Variants in PABPC4L observed in about 807,000 individuals in gnomAD.
PABPC4L encodes polyadenylate-binding protein 4-like.
For missense variants in PABPC4L, 452 were observed against 451.4 expected (o/e 1.00, Z -0.01); for synonymous variants, 169 against 164.1 (o/e 1.03, Z -0.23).
At chr4:133,981,256 G>T in the PABPC4L span, among the ~76,000 whole-genome samples, 2 of 152,042 alleles carry the variant, frequency 1.3e-5, no homozygotes, top group African/African-American at 4.8e-5. Context: ...ATACTTTTAG[G>T]CAACCCTCAA....
chr4:134,145,281 G>T, the PABPC4L span, among the ~76,000 whole-genome samples: 3 of 151,340 alleles, frequency 2.0e-5, no homozygotes, highest in Non-Finnish European at 3.0e-5. Context: ...TAGAAAGAAA[G>T]GAAACCAAAT....
chr4:133,990,364 A>T, the PABPC4L span, among the ~76,000 whole-genome samples: 87 of 152,156 alleles, frequency 5.7e-4, 1 homozygote, highest in Middle Eastern at 6.8e-3. Flanking sequence ...TTCTATTATA[A>T]TTGTTTTGAG....
downstream of PABPC4L, among the ~76,000 whole-genome samples, chr4:134,192,821 C>A (rs74603492): frequency 0.013 from 1,936 of 152,124 alleles, 43 homozygotes; most frequent in African/African-American, 0.041. Context: ...CAAGATTAAT[C>A]TTTAGAATCT....
At chr4:134,039,954 C>A in the PABPC4L span, among the ~76,000 whole-genome samples, 1 of 152,096 alleles carries the variant, frequency 6.6e-6, no homozygotes, top group South Asian at 2.1e-4. Context: ...CATGAGTGAG[C>A]TCCCTTTCAC....
At chr4:133,998,462 G>T in the PABPC4L span, among the ~76,000 whole-genome samples, 1 of 151,650 alleles carries the variant, frequency 6.6e-6, no homozygotes, top group East Asian at 1.9e-4. Context: ...ATATACTATT[G>T]CAAAAATAAA....
At chr4:134,073,016 A>G in the PABPC4L span, among the ~76,000 whole-genome samples, 324 of 152,202 alleles carry the variant, frequency 2.1e-3, 1 homozygote, top group Non-Finnish European at 3.5e-3. Context: ...CAGCCAAACC[A>G]TATCATTCCA....
the PABPC4L span, among the ~76,000 whole-genome samples, chr4:134,137,318 T>A: frequency 6.6e-6 from 1 of 151,944 alleles, no homozygotes; most frequent in Non-Finnish European, 1.5e-5. Flanking sequence ...CTCAATTCTA[T>A]ATTACCAAGG....
the PABPC4L span, among the ~76,000 whole-genome samples, chr4:134,063,011 C>G: frequency 0.46 from 70,254 of 151,808 alleles, 16,990 homozygotes; most frequent in East Asian, 0.93. Context: ...TTCAACCAGT[C>G]TTCTCTCATT....
the PABPC4L span, among the ~76,000 whole-genome samples, chr4:133,991,490 G>T: frequency 2.0e-5 from 3 of 152,172 alleles, no homozygotes; most frequent in Non-Finnish European, 4.4e-5. Context: ...AGGCTTGAGG[G>T]CTTGCAGGCA....
chr4:133,999,524 G>T, the PABPC4L span, among the ~76,000 whole-genome samples: 1 of 152,082 alleles, frequency 6.6e-6, no homozygotes, highest in East Asian at 1.9e-4. Flanking sequence ...CACATATCTA[G>T]GTAAATTTCA....
the PABPC4L span, among the ~76,000 whole-genome samples, chr4:134,159,510 G>A: frequency 6.6e-6 from 1 of 152,058 alleles, no homozygotes; most frequent in Non-Finnish European, 1.5e-5. Flanking sequence ...AGTAAGCATG[G>A]GACTTTGCAT....
chr4:134,134,682 A>T, the PABPC4L span, among the ~76,000 whole-genome samples: 72,311 of 148,534 alleles, frequency 0.49, 21,161 homozygotes, highest in East Asian at 0.98. Context: ...AAATAAATAA[A>T]TGTAATATAT....
chr4:134,029,573 C>T, the PABPC4L span, among the ~76,000 whole-genome samples: 3 of 151,874 alleles, frequency 2.0e-5, no homozygotes, highest in Non-Finnish European at 4.4e-5. Flanking sequence ...GCTAGATATA[C>T]AGAATAGGGT....
the PABPC4L span, among the ~76,000 whole-genome samples, chr4:134,068,286 G>A: frequency 6.6e-6 from 1 of 151,960 alleles, no homozygotes; most frequent in Non-Finnish European, 1.5e-5. Context: ...ATCCTTCTTT[G>A]TCTCTTTTAA....
the PABPC4L span, among the ~76,000 whole-genome samples, chr4:134,180,763 C>T: frequency 6.6e-6 from 1 of 151,734 alleles, no homozygotes; most frequent in Admixed American, 6.6e-5. Flanking sequence ...TCTGTGTACA[C>T]AAGCTAGAAA....
the PABPC4L span, among the ~76,000 whole-genome samples, chr4:133,993,652 G>A: frequency 3.9e-5 from 6 of 152,128 alleles, no homozygotes; most frequent in Admixed American, 2.6e-4. Flanking sequence ...GGCATTGCAG[G>A]ATAATATGTT....
chr4:134,073,302 G>A, the PABPC4L span, among the ~76,000 whole-genome samples: 2 of 152,172 alleles, frequency 1.3e-5, no homozygotes, highest in Non-Finnish European at 2.9e-5. Flanking sequence ...CCCCATGCAA[G>A]TCAAAAATCT....
At chr4:134,023,242 T>A in the PABPC4L span, among the ~76,000 whole-genome samples, 2 of 152,160 alleles carry the variant, frequency 1.3e-5, no homozygotes, top group East Asian at 3.9e-4. Context: ...GGCTGCTCTA[T>A]GCTAAGATCC....
At chr4:134,115,211 T>C in the PABPC4L span, among the ~76,000 whole-genome samples, 3 of 151,926 alleles carry the variant, frequency 2.0e-5, no homozygotes, top group African/African-American at 7.2e-5. Context: ...ATTTATTCAT[T>C]GTTTACTTCA....
Sources: allele counts gnomAD v4.1 joint callset (sites outside exome capture counted in the v4.1 genomes callset), GRCh38; gene constraint gnomAD v4.1.1; transcripts MANE v1.5; gene names NCBI Gene and HGNC (gene_info 2026-07-23, HGNC 2026-07-21).